LPP: variants seen among roughly 807,000 people sequenced by gnomAD.
LPP encodes LIM domain containing preferred translocation partner in lipoma.
A neutral mutation model predicts 60.4 loss-of-function variants in LPP; 38 were observed. The ratio of observed to expected loss-of-function variants is 0.63; its 90% CI spans 0.49 to 0.83. The LOEUF (loss-of-function observed/expected upper bound fraction) is 0.83, where lower values mean the gene tolerates loss of function less well. LPP is among the 40% of genes least tolerant of loss of function. LPP has a pLI of 0.00. For synonymous variants in LPP, 328 were observed against 290.8 expected, an observed-to-expected ratio of 1.13 and a Z score of -1.30; for missense variants, 902 against 783.6, an observed-to-expected ratio of 1.15 and a Z score of -1.80.
At chr3:188,435,872 TCTACAGCTTTCCTGCTGTCCTAAAGAGA>T (rs1792168534) in intron 4 of LPP, among the ~76,000 whole-genome samples, 1 of 152,178 alleles carries the variant, frequency 6.6e-6, no homozygotes, top group South Asian at 2.1e-4. Context: ...CTTCCTTTTC[TCTACAGCTTTCCTGCTGTCCTAAAGAGA>T]CAAAAGGCAT....
chr3:188,287,350 T>G (rs1036229080), intron 2 of LPP, among the ~76,000 whole-genome samples: 29 of 152,178 alleles, frequency 1.9e-4, no homozygotes, highest in African/African-American at 7.0e-4. Context: ...ACATAAACAG[T>G]GGGCTCCAGA....
At position 188,570,187 on chromosome 3, in the gene LPP, G is replaced by T. The variant is rs115242363; in HGVS notation, c.430-38974G>T. Among the ~76,000 whole-genome samples, 898 of 152,080 alleles carry T rather than the reference G, an allele frequency of 5.9e-3. 12 individuals carry two copies. Among genetic ancestry groups the T allele is most frequent in the African/African-American group, 0.021 (858 of 41,514 alleles). ...AGTGACAGGCCTTGTGGCAGTCATT[G>T]GTCAAAGGCATATGAGTAAGACTGC... On this transcript the variant is annotated intron_variant, in intron 6 of 11. Transcript: ENST00000617246.
chr3:188,705,482 G>A (rs1328741303), intron 7 of LPP, among the ~76,000 whole-genome samples: 3 of 151,952 alleles, frequency 2.0e-5, no homozygotes, highest in Admixed American at 2.0e-4. Flanking sequence ...GAGTACTTCT[G>A]TACAATTTTC....
chr3:188,296,630 G>C (rs1747986013), intron 2 of LPP, among the ~76,000 whole-genome samples: 1 of 152,166 alleles, frequency 6.6e-6, no homozygotes, highest in Non-Finnish European at 1.5e-5. Flanking sequence ...AAATAATGGA[G>C]TCACACAGAG....
chr3:188,629,415 A>T (rs1847448181), intron 7 of LPP, among the ~76,000 whole-genome samples: 1 of 152,138 alleles, frequency 6.6e-6, no homozygotes, highest in Non-Finnish European at 1.5e-5. Flanking sequence ...TTGCCTTTCT[A>T]TATACCAATA....
chr3:188,213,852 A>C (rs1370600118), intron 1 of LPP, among the ~76,000 whole-genome samples: 1 of 152,006 alleles, frequency 6.6e-6, no homozygotes, highest in Non-Finnish European at 1.5e-5. Context: ...TCCCTGAGAG[A>C]AATTCAGCAA....
At chr3:188,675,165 C>T (rs890682113) in intron 7 of LPP, among the ~76,000 whole-genome samples, 6 of 152,124 alleles carry the variant, frequency 3.9e-5, no homozygotes, top group Non-Finnish European at 7.4e-5. Flanking sequence ...AGGAATTGAA[C>T]GATTACATAA....
intron 7 of LPP, among the ~76,000 whole-genome samples, chr3:188,697,681 T>G (rs941775030): frequency 4.6e-5 from 7 of 152,198 alleles, no homozygotes; most frequent in African/African-American, 1.7e-4. Flanking sequence ...TAATATTCTG[T>G]TTAGATAATT....
chr3:188,748,740 G>A (rs921862760), intron 8 of LPP, among the ~76,000 whole-genome samples: 9 of 152,156 alleles, frequency 5.9e-5, no homozygotes, highest in Non-Finnish European at 5.9e-5. Context: ...CCAAGATTGT[G>A]CCGTTGCACT....
intron 5 of LPP, among the ~76,000 whole-genome samples, chr3:188,501,397 G>A (rs370911422): frequency 3.7e-4 from 57 of 152,080 alleles, no homozygotes; most frequent in East Asian, 9.6e-4. Context: ...GGAGGATCAC[G>A]AGGACAGGAG....
chr3:188,700,703 A>G (rs1864228308), intron 7 of LPP, among the ~76,000 whole-genome samples: 1 of 152,180 alleles, frequency 6.6e-6, no homozygotes, highest in African/African-American at 2.4e-5. Flanking sequence ...TGCTGAATGA[A>G]GTTCTGGATG....
intron 7 of LPP, among the ~76,000 whole-genome samples, chr3:188,640,339 A>G (rs1440589023): frequency 7.4e-6 from 1 of 134,714 alleles, no homozygotes; most frequent in Non-Finnish European, 1.5e-5. Context: ...GGACACAGGA[A>G]GGGGAACATC....
In LPP at chr3:188,501,155, A is replaced by G. The variant is rs980097725; in HGVS notation, c.306+16451A>G. On this transcript the variant is annotated intron_variant, in intron 5 of 11. Transcript: ENST00000617246. The stretch of plus-strand genomic sequence containing the variant: ...TCTGTAGATTTAGGTTGTTGGTTTG[A>G]CGTCTTTCTTATCTTTAAATTTAAT... 3.3e-5 allele frequency among the ~76,000 whole-genome samples: 5 copies of G among 151,276 alleles called. No individual in the cohort carries two copies. In the East Asian group the frequency reaches 7.8e-4, roughly 24 times the overall value.
chr3:188,583,534 T>C (rs1017217372), intron 6 of LPP, among the ~76,000 whole-genome samples: 7 of 152,140 alleles, frequency 4.6e-5, no homozygotes, highest in African/African-American at 1.7e-4. Context: ...AACTTCCTAA[T>C]CCTTACACCT....
At chr3:188,202,590 T>C (rs1340947726) in intron 1 of LPP, among the ~76,000 whole-genome samples, 2 of 152,238 alleles carry the variant, frequency 1.3e-5, no homozygotes, top group Non-Finnish European at 2.9e-5. Flanking sequence ...GCTATGACCA[T>C]GACTGCAGTT....
At chr3:188,481,333 A>G (rs1229102251) in intron 4 of LPP, among the ~76,000 whole-genome samples, 1 of 152,220 alleles carries the variant, frequency 6.6e-6, no homozygotes, top group Admixed American at 6.5e-5. Flanking sequence ...GGTTAAGCTT[A>G]AAGAACTGAA....
chr3:188,455,182 G>A (rs1797452638), intron 4 of LPP, among the ~76,000 whole-genome samples: 1 of 152,054 alleles, frequency 6.6e-6, no homozygotes, highest in Non-Finnish European at 1.5e-5. Flanking sequence ...AGTTTACAGA[G>A]AAAAAATTTT....
chr3:188,749,098 C>T (rs1727221584), intron 8 of LPP, among the ~76,000 whole-genome samples: 1 of 152,154 alleles, frequency 6.6e-6, no homozygotes, highest in African/African-American at 2.4e-5. Flanking sequence ...GTTCTGGAGT[C>T]ATACAGAAGC....
rs534373551 is a variant in LPP, at chr3:188,516,603, C to T, written c.307-8062C>T. 9.1e-5 allele frequency among the ~76,000 whole-genome samples: 13 copies of T among 142,466 alleles called. 1 individual carries two copies. In the South Asian group the frequency reaches 2.9e-3, roughly 32 times the overall value. 93.5% of individuals were successfully genotyped at this position (142,466 alleles called of 152,430 possible). On this transcript the variant is annotated intron_variant, in intron 5 of 11. Coordinates refer to ENST00000617246, the MANE Select transcript of LPP (RefSeq NM_001375462.1). ...CAGTACCCACCCTTACTCCCCCTGC[C>T]CCACACACTTAAATGTTCATTGTGT...
Sources: allele counts gnomAD v4.1 joint callset (sites outside exome capture counted in the v4.1 genomes callset), GRCh38; gene constraint gnomAD v4.1.1; transcripts MANE v1.5; gene names NCBI Gene and HGNC (gene_info 2026-07-23, HGNC 2026-07-21).